The following RASSF7 variants were observed in gnomAD, a reference collection of about 807,000 sequenced individuals.
RASSF7 encodes the protein Ras association domain family member 7.
A neutral mutation model predicts 33.8 loss-of-function variants in RASSF7; 41 were observed. That is an observed-to-expected ratio of 1.21 (90% confidence interval 0.95 to 1.57). The LOEUF is 1.57. Ranked by LOEUF, RASSF7 falls within the 40% of genes most tolerant of loss-of-function variation. The pLI is 0.00. For missense variants in RASSF7, 622 were observed against 497.0 expected, an observed-to-expected ratio of 1.25 and a Z score of -2.39; for synonymous variants, 298 against 212.8, an observed-to-expected ratio of 1.40 and a Z score of -3.48.
In RASSF7 at chr11:562,744, C is replaced by T. The variant is rs748768792; in HGVS notation, c.790C>T (p.Arg264Trp). 1.6e-5 allele frequency: 24 copies of T among 1,526,228 alleles called. No homozygotes were observed. Among genetic ancestry groups the T allele is most frequent in the East Asian group, 4.9e-5 (2 of 40,790 alleles). The allele number at this position is 1,526,228 out of a possible 1,614,324, so 94.5% of individuals were successfully genotyped here. A position where few individuals can be genotyped will look rare whatever the true frequency, so the allele number is the denominator to read the frequency against. The part of the protein sequence containing the change: ...EVQGSLALVS[R>W]ALEAAERALQ... The stretch of plus-strand genomic sequence containing the variant: ...GCAGGGCAGCCTGGCTCTGGTGAGC[C>T]GGGCCCTGGAGGCAGCAGAGCGAGC... Residue 264 changes from arginine to tryptophan, a missense_variant, in exon 3 of 6, where the codon CGG becomes TGG. Physicochemically the swap from Arg to Trp is moderately radical, Grantham distance 101. Coordinates refer to ENST00000397583, the MANE Select transcript of RASSF7 (RefSeq NM_003475.4).
At chr11:563,514 G>T (rs748440482) in intron 5 of RASSF7, 36 bp downstream of exon 5, 23 of 1,609,456 alleles carry the variant, frequency 1.4e-5, no homozygotes, top group Non-Finnish European at 1.9e-5. Flanking sequence ...GGGGCACCGG[G>T]CCCTCCTGTG....
chr11:561,642 C>A, intron 1 of RASSF7, 120 bp from the exon 2 acceptor site: 3 of 1,474,376 alleles, frequency 2.0e-6, no homozygotes, highest in Non-Finnish European at 2.7e-6. Context: ...GAGGGTGGGG[C>A]CCGTGCGGAG....
Position 562,394 on chromosome 11 carries a change from C to A in RASSF7, c.440C>A (p.Pro147His). Residue 147 changes from proline to histidine, a missense_variant, in exon 3 of 6, where the codon CCC becomes CAC. Coordinates refer to ENST00000397583, the MANE Select transcript of RASSF7 (RefSeq NM_003475.4). ...CCTGGGCCTGCGGCCCCTGTGACAC[C>A]CACACCAGGCTGCTGCACAGACCTG... ...SRPGPAAPVT[P>H]TPGCCTDLRG... 6.4e-7 allele frequency: 1 copy of A among 1,573,694 alleles called. No individual in the cohort carries two copies. Among genetic ancestry groups the A allele is most frequent in the Non-Finnish European group, 8.6e-7 (1 of 1,159,460 alleles).
rs755683305 is a variant in RASSF7 at position 563,297 on chromosome 11, AGGG to A, written c.933_935del (p.Arg311_Gly312delinsSer). Reference sequence around the variant, plus strand: ...GCTGCCACCGCCCCCACGGCCTGACAGGGGCCCTCCTGGCACTCAGGTCGGAGT... The same window carrying A: ...GCTGCCACCGCCCCCACGGCCTGACAGCCCTCCTGGCACTCAGGTCGGAGT... On this transcript the variant is annotated inframe_deletion, in exon 4 of 6. Coordinates refer to ENST00000397583, the MANE Select transcript of RASSF7 (RefSeq NM_003475.4). The A allele has an allele frequency of 6.2e-7, 1 of 1,610,012 alleles. No homozygotes were observed. Among genetic ancestry groups the A allele is most frequent in the Admixed American group, 1.7e-5 (1 of 59,578 alleles).
Position 561,241 on chromosome 11 carries a change from C to T in RASSF7, c.-244C>T. On this transcript the variant is annotated 5_prime_UTR_variant, in exon 1 of 6. Transcript: ENST00000397583. ...GGGCTTCGGTGCCCGCGGCGGGGAC[C>T]GGGACTTTCGGGGCGAGCGCAGCGA... 1 of 985,388 alleles carries T rather than the reference C, an allele frequency of 1.0e-6. No individual in the cohort carries two copies. The highest frequency in any genetic ancestry group is 1.2e-6 in the Non-Finnish European group (1 of 829,924). The allele number at this position is 985,388 out of a possible 1,614,324, so 61.0% of individuals were successfully genotyped here. A position where few individuals can be genotyped will look rare whatever the true frequency, so the allele number is the denominator to read the frequency against.
In RASSF7 at chr11:562,177, C is replaced by G; in HGVS notation, c.223C>G (p.Gln75Glu). The G allele has an allele frequency of 6.3e-7, 1 of 1,585,594 alleles. No individual in the cohort carries two copies. The highest frequency in any genetic ancestry group is 8.6e-7 in the Non-Finnish European group (1 of 1,164,832). ...CPVGAQATCG[Q>E]FASDVQFVLR... The stretch of plus-strand genomic sequence containing the variant: ...AGTGGGCGCCCAGGCCACCTGCGGA[C>G]AGTTTGCCAGCGATGTCCAGTTTGT... Residue 75 changes from glutamine (Q) to glutamate (E), a missense_variant, in exon 3 of 6, where the codon CAG (glutamine) becomes GAG (glutamate). By Grantham distance (29) the Gln-to-Glu change is conservative. Coordinates refer to ENST00000397583, the MANE Select transcript of RASSF7 (RefSeq NM_003475.4).
rs1043535981 is a variant in RASSF7 at position 564,009 on chromosome 11, T to G, written c.*364T>G. On this transcript the variant is annotated 3_prime_UTR_variant, in exon 6 of 6. Transcript: ENST00000397583. ...CCCCAACGTGAAAACCTCAATAAAC[T>G]GCCCGAAGCAGCTTGAGTGTGTGTG... 1 of 312,402 alleles carries G rather than the reference T, an allele frequency of 3.2e-6. No individual in the cohort carries two copies. Among genetic ancestry groups the G allele is most frequent in the Non-Finnish European group, 6.0e-6 (1 of 167,866 alleles). 19.4% of individuals were successfully genotyped at this position (312,402 alleles called of 1,614,324 possible). A position where few individuals can be genotyped will look rare whatever the true frequency, so the allele number is the denominator to read the frequency against.
chr11:561,589 C>A, intron 1 of RASSF7, 112 bp downstream of exon 1: 1 of 1,388,160 alleles, frequency 7.2e-7, no homozygotes. Context: ...TCCGGAGGGC[C>A]GCCACCCCAG....
chr11:562,026 A>G lies in RASSF7; in HGVS notation c.125-53A>G, dbSNP rs1048738514. ...TTTGTTCTTCCCAACTCTTCAAGCC[A>G]GGTGGACAGAGAGTCGGGGGGACAT... On this transcript the variant is annotated intron_variant, in intron 2 of 5. Transcript: ENST00000397583. 2.0e-6 allele frequency: 3 copies of G among 1,509,792 alleles called. No individual in the cohort carries two copies. The Admixed American group carries it at 6.5e-5, about 33-fold the overall frequency. The allele number at this position is 1,509,792 out of a possible 1,614,324, so 93.5% of individuals were successfully genotyped here.
In RASSF7 at chr11:561,757, C is replaced by T. The variant is rs754529626; in HGVS notation, c.-7-5C>T. ...CCTGACCCGGTGCCTGCGCCCTCCC[C>T]ACAGGACAGGCATGTTGTTGGGACT... On this transcript the variant is annotated splice_region_variant and splice_polypyrimidine_tract_variant and intron_variant, in intron 1 of 5. Coordinates refer to ENST00000397583, the MANE Select transcript of RASSF7 (RefSeq NM_003475.4). 6.8e-6 allele frequency: 11 copies of T among 1,613,194 alleles called. No homozygotes were observed. Among genetic ancestry groups the T allele is most frequent in the Admixed American group, 6.7e-5 (4 of 59,996 alleles).
chr11:561,538 C>A, intron 1 of RASSF7, 61 bp downstream of exon 1: 7 of 1,406,680 alleles, frequency 5.0e-6, no homozygotes, highest in South Asian at 1.5e-5. Flanking sequence ...GGAGTGCGAG[C>A]GTGGCAAGAG....
rs1287060093 is a variant in RASSF7, at chr11:562,724, G to A, written c.770G>A (p.Gly257Asp). 5.9e-6 allele frequency: 9 copies of A among 1,538,122 alleles called. 1 individual carries two copies. The South Asian group carries it at 8.4e-5, about 14-fold the overall frequency. Residue 257 changes from glycine to aspartate, a missense_variant, in exon 3 of 6, where the codon GGC (glycine) becomes GAC (aspartate). Gly to Asp is a moderately conservative substitution (Grantham distance 94). Coordinates refer to ENST00000397583, the MANE Select transcript of RASSF7 (RefSeq NM_003475.4). Reference sequence around the variant, plus strand: ...GAGCGGCAGAGTGCGGAGGTGCAGGGCAGCCTGGCTCTGGTGAGCCGGGCC... The same window carrying A: ...GAGCGGCAGAGTGCGGAGGTGCAGGACAGCCTGGCTCTGGTGAGCCGGGCC... ...VQERQSAEVQ[G>D]SLALVSRALE... is the part of the protein sequence containing the mutation.
At position 561,897 on chromosome 11, in the gene RASSF7, G is replaced by A. The variant is rs1853336289; in HGVS notation, c.124+5G>A. The A allele has an allele frequency of 6.2e-7, 1 of 1,613,214 alleles. No individual in the cohort carries two copies. The highest frequency in any genetic ancestry group is 1.7e-5 in the Admixed American group (1 of 59,994). On this transcript the variant is annotated splice_donor_5th_base_variant and intron_variant, in intron 2 of 5. Coordinates refer to ENST00000397583, the MANE Select transcript of RASSF7 (RefSeq NM_003475.4). ...TCGCACTAGCCCAAGCAATAGGTGA[G>A]TCCTCTCGGGGTCAGGCAGGCCGGG...
rs751213564 is a variant in RASSF7, at chr11:562,269, C to A, written c.315C>A (p.Arg105=). 3.1e-6 allele frequency: 5 copies of A among 1,612,868 alleles called. No individual in the cohort carries two copies. The African/African-American group carries it at 6.7e-5, about 22-fold the overall frequency. ...PSSDSCPPPE[R]CLIRASLPVK... ...CAGACAGCTGTCCACCCCCGGAACGCTGCCTAATTCGTGCCAGCCTCCCTG... is the reference window on the plus strand; with the variant it reads ...CAGACAGCTGTCCACCCCCGGAACGATGCCTAATTCGTGCCAGCCTCCCTG... Residue 105 remains arginine (R), a synonymous_variant, in exon 3 of 6, where the codon CGC becomes CGA. Transcript: ENST00000397583.
At position 561,151 on chromosome 11, in the gene RASSF7, C is replaced by T; in HGVS notation, c.-334C>T. On this transcript the variant is annotated 5_prime_UTR_variant, in exon 1 of 6. Coordinates refer to ENST00000397583, the MANE Select transcript of RASSF7 (RefSeq NM_003475.4). ...GCCCGGACGGAGAGCGGGGGCGGCG[C>T]CGCACCTGCGCCCGCCCTGCGGAAC... The T allele has an allele frequency of 1.0e-6, 1 of 984,902 alleles. No homozygotes were observed. Among genetic ancestry groups the T allele is most frequent in the Non-Finnish European group, 1.2e-6 (1 of 829,780 alleles). The allele number at this position is 984,902 out of a possible 1,614,324, so 61.0% of individuals were successfully genotyped here.
At position 561,466 on chromosome 11, in the gene RASSF7, C is replaced by A. The variant is rs1028692598; in HGVS notation, c.-19C>A. ...GCGCCGCCCGGGGAGGGGGCAGTGT[C>A]CTCCGAGCCAGGTGAGGCGAGTAGG... On this transcript the variant is annotated 5_prime_UTR_variant, in exon 1 of 6. Coordinates refer to ENST00000397583, the MANE Select transcript of RASSF7 (RefSeq NM_003475.4). 1 of 1,245,216 alleles carries A rather than the reference C, an allele frequency of 8.0e-7. No individual in the cohort carries two copies. Among genetic ancestry groups the A allele is most frequent in the Non-Finnish European group, 1.0e-6 (1 of 984,616 alleles). 77.1% of individuals were successfully genotyped at this position (1,245,216 alleles called of 1,614,324 possible).
At chr11:562,803 CACTCCCCCACCCCT>C in intron 3 of RASSF7, 27 bp downstream of exon 3, 1 of 1,435,204 alleles carries the variant, frequency 7.0e-7, no homozygotes, top group Non-Finnish European at 9.2e-7. Context: ...GATCCCCTGT[CACTCCCCCACCCCT>C]GATATGGGCA....
chr11:563,222 G>C lies in RASSF7; in HGVS notation c.856G>C (p.Glu286Gln), dbSNP rs1273382500. 6.3e-7 allele frequency: 1 copy of C among 1,598,644 alleles called. No individual in the cohort carries two copies. Among genetic ancestry groups the C allele is most frequent in the Non-Finnish European group, 8.5e-7 (1 of 1,169,802 alleles). ...QAQELEELNR[E>Q]LRQCNLQQFI... ...TCAGGAGCTGGAGGAGCTGAACCGA[G>C]AGCTCCGTCAGTGCAACCTGCAGCA... is the stretch of plus-strand genomic sequence containing the variant. Residue 286 changes from glutamate (E) to glutamine (Q), a missense_variant, in exon 4 of 6, where the codon GAG becomes CAG. Coordinates refer to ENST00000397583, the MANE Select transcript of RASSF7 (RefSeq NM_003475.4).
rs1244246746 is a variant in RASSF7, at chr11:563,942, C to G, written c.*297C>G. The G allele has an allele frequency of 3.8e-6, 2 of 530,728 alleles. No homozygotes were observed. The highest frequency in any genetic ancestry group is 3.5e-5 in the Admixed American group (1 of 28,358). The allele number at this position is 530,728 out of a possible 1,614,324, so 32.9% of individuals were successfully genotyped here. A position where few individuals can be genotyped will look rare whatever the true frequency, so the allele number is the denominator to read the frequency against. ...GCTTGCCTGCGGGAGAGGTCCTTCA[C>G]TGTGTGTACACAGCAAGAGCATGTG... On this transcript the variant is annotated 3_prime_UTR_variant, in exon 6 of 6. Coordinates refer to ENST00000397583, the MANE Select transcript of RASSF7 (RefSeq NM_003475.4).
Sources: gnomAD v4.1 joint callset for allele counts on GRCh38, gnomAD v4.1.1 for gene constraint, MANE v1.5 for transcripts, NCBI Gene and HGNC (gene_info 2026-07-23, HGNC 2026-07-21) for gene names.